The following ROCK2 variants were observed in gnomAD, a reference collection of about 807,000 sequenced individuals.
The protein encoded by ROCK2 is rho-associated protein kinase 2.
ROCK2 carries 61 observed loss-of-function variants against 195.1 expected under a neutral mutation model. That is an observed-to-expected ratio of 0.31 (90% CI 0.25 to 0.39). The LOEUF (loss-of-function observed/expected upper bound fraction) is 0.39. Among genes scored for constraint, ROCK2 ranks in the 10% least tolerant of loss-of-function variants. ROCK2 has a pLI of 1.00. For missense variants in ROCK2, 1,109 were observed against 1,637.4 expected, an observed-to-expected ratio of 0.68 and a Z score of 5.57; for synonymous variants, 504 against 545.5, an observed-to-expected ratio of 0.92 and a Z score of 1.06.
intron 23 of ROCK2, 139 bp downstream of exon 23, chr2:11,200,818 G>A: frequency 1.6e-6 from 1 of 621,198 alleles, no homozygotes; most frequent in Non-Finnish European, 2.5e-6. Flanking sequence ...TTGAGAAGGT[G>A]GCAGTTAACT....
intron 5 of ROCK2, among the ~76,000 whole-genome samples, chr2:11,229,203 C>A (rs998822847): frequency 9.2e-5 from 14 of 152,058 alleles, no homozygotes; most frequent in African/African-American, 3.4e-4. Flanking sequence ...GTGAATAACA[C>A]TCTGCTTTTG....
chr2:11,268,522 CTGTGTG>C (rs70953378), intron 3 of ROCK2, among the ~76,000 whole-genome samples: 5,030 of 140,612 alleles, frequency 0.036, 157 homozygotes, highest in African/African-American at 0.083. Flanking sequence ...CAGTTTTGCA[CTGTGTG>C]TGTGTGTGTG....
chr2:11,203,472 CT>C (rs146026436), intron 20 of ROCK2, among the ~76,000 whole-genome samples: 58 of 148,860 alleles, frequency 3.9e-4, no homozygotes, highest in African/African-American at 2.9e-4. Flanking sequence ...TTACGTACTG[CT>C]TTTTTTTTTA....
chr2:11,307,034 C>T (rs985619886), intron 1 of ROCK2, among the ~76,000 whole-genome samples: 8 of 152,062 alleles, frequency 5.3e-5, no homozygotes, highest in African/African-American at 4.8e-5. Context: ...ACTGAGGTCT[C>T]GATATTTCAT....
intron 1 of ROCK2, among the ~76,000 whole-genome samples, chr2:11,292,573 A>T (rs1667395314): frequency 1.3e-5 from 2 of 152,334 alleles, no homozygotes; most frequent in African/African-American, 4.8e-5. Flanking sequence ...CCTCTAAAAG[A>T]ATACTAAATA....
At chr2:11,278,141 T>G (rs1475990354) in intron 3 of ROCK2, among the ~76,000 whole-genome samples, 4 of 152,232 alleles carry the variant, frequency 2.6e-5, no homozygotes, top group Admixed American at 2.6e-4. Flanking sequence ...AAATACATTA[T>G]TAACTACAGT....
rs537048203 is a variant in ROCK2 at position 11,230,290 on chromosome 2, CA to C, written c.724-2893del. 3.2e-3 allele frequency among the ~76,000 whole-genome samples: 491 copies of C among 151,948 alleles called. 2 individuals carry two copies. Among genetic ancestry groups the C allele is most frequent in the African/African-American group, 0.011 (439 of 41,412 alleles). The stretch of plus-strand genomic sequence containing the variant: ...ACAAGTCTTGAACATTGTATAGTGT[CA>C]AAAAATAAGAAAATGCTCCAAAAGG... On this transcript the variant is annotated intron_variant, in intron 5 of 32. Coordinates refer to ENST00000315872, the MANE Select transcript of ROCK2 (RefSeq NM_004850.5).
Position 11,201,258 on chromosome 2 carries a change from AG to A in ROCK2, c.2723+51del. 6.6e-7 allele frequency: 1 copy of A among 1,518,996 alleles called. No individual in the cohort carries two copies. Among genetic ancestry groups the A allele is most frequent in the Non-Finnish European group, 9.1e-7 (1 of 1,101,556 alleles). The allele number at this position is 1,518,996 out of a possible 1,614,324, so 94.1% of individuals were successfully genotyped here. On this transcript the variant is annotated intron_variant, in intron 22 of 32. Coordinates refer to ENST00000315872, the MANE Select transcript of ROCK2 (RefSeq NM_004850.5). The surrounding 1 kb of genome is among the most constrained non-coding windows in gnomAD (Gnocchi z 4.6). ...TTTGGTGATTACCAGGCATTGTTCTAGGAGCAAAGTATACAGCTATGAACAA... is the reference window on the plus strand; with the variant it reads ...TTTGGTGATTACCAGGCATTGTTCTAGAGCAAAGTATACAGCTATGAACAA...
At chr2:11,317,602 A>AT (rs1260148475) in intron 1 of ROCK2, among the ~76,000 whole-genome samples, 8 of 16,498 alleles carry the variant, frequency 4.8e-4, no homozygotes, top group Non-Finnish European at 7.3e-4. Context: ...ATATATATAT[A>AT]TATATATATA....
At chr2:11,244,829 A>G (rs79121681) in intron 4 of ROCK2, among the ~76,000 whole-genome samples, 3 of 152,294 alleles carry the variant, frequency 2.0e-5, no homozygotes, top group Non-Finnish European at 2.9e-5. Context: ...TTCAAGCCTC[A>G]TGAAATGAAT....
chr2:11,218,395 A>G, intron 11 of ROCK2, 60 bp downstream of exon 11: 1 of 1,386,944 alleles, frequency 7.2e-7, no homozygotes, highest in Non-Finnish European at 9.9e-7. Context: ...CTATATTTAA[A>G]CTTTGCGAGA....
intron 32 of ROCK2, among the ~76,000 whole-genome samples, chr2:11,190,255 A>G (rs1663366374): frequency 6.6e-6 from 1 of 152,130 alleles, no homozygotes; most frequent in Non-Finnish European, 1.5e-5. Context: ...AGTTTTATTT[A>G]CATGCAGATA....
chr2:11,285,029 G>A (rs906183041), intron 3 of ROCK2, among the ~76,000 whole-genome samples: 3 of 152,144 alleles, frequency 2.0e-5, no homozygotes, highest in Non-Finnish European at 4.4e-5. Flanking sequence ...TTGGGAGGCC[G>A]AGGCAGGCGG....
At chr2:11,344,955 A>ACTACCCCGCGGC (rs1669253611), upstream of ROCK2, among the ~76,000 whole-genome samples, 2 of 150,284 alleles carry the variant, frequency 1.3e-5, no homozygotes, top group Admixed American at 1.3e-4. This position sits in a 1 kb window ranked among gnomAD's most constrained non-coding sequence, Gnocchi z 5.4. Flanking sequence ...GACCCCGCGG[A>ACTACCCCGCGGC]CTACCCCGCG....
At chr2:11,333,582 G>T (rs1218287172) in intron 1 of ROCK2, among the ~76,000 whole-genome samples, 1 of 152,120 alleles carries the variant, frequency 6.6e-6, no homozygotes, top group Non-Finnish European at 1.5e-5. Flanking sequence ...ATCAACACAT[G>T]AGAAACCAGA....
chr2:11,315,630 C>T (rs1265108923), intron 1 of ROCK2, among the ~76,000 whole-genome samples: 7 of 151,946 alleles, frequency 4.6e-5, no homozygotes, highest in Admixed American at 3.9e-4. Flanking sequence ...AATCATTTAA[C>T]AACAAGCAAA....
At chr2:11,330,652 T>C (rs998451197) in intron 1 of ROCK2, among the ~76,000 whole-genome samples, 2 of 146,614 alleles carry the variant, frequency 1.4e-5, no homozygotes, top group Non-Finnish European at 3.0e-5. Flanking sequence ...TACTCTAGCC[T>C]GGGTGACAGA....
chr2:11,302,343 G>A (rs1195766440), intron 1 of ROCK2, among the ~76,000 whole-genome samples: 11 of 151,300 alleles, frequency 7.3e-5, no homozygotes, highest in African/African-American at 1.7e-4. Context: ...CTTTTGAGAC[G>A]GAGTCTCACT....
chr2:11,195,377 G>A (rs1295740490), intron 27 of ROCK2, among the ~76,000 whole-genome samples: 1 of 150,566 alleles, frequency 6.6e-6, no homozygotes, highest in African/African-American at 2.4e-5. Flanking sequence ...ACCTGCCTTA[G>A]ACTCCTTTAT....
Sources: gnomAD v4.1 joint callset for allele counts (sites outside exome capture counted in the v4.1 genomes callset) on GRCh38, gnomAD v4.1.1 for gene constraint, Gnocchi (gnomAD v3.1) non-coding constraint, MANE v1.5 for transcripts, NCBI Gene and HGNC (gene_info 2026-07-23, HGNC 2026-07-21) for gene names.